Variants in ADAMTS17 observed in about 807,000 individuals in gnomAD.
ADAMTS17 encodes ADAM metallopeptidase with thrombospondin type 1 motif 17.
In ADAMTS17, 113 loss-of-function variants were observed where a neutral mutation model predicts 141.5. The ratio of observed to expected loss-of-function variants is 0.80; its 90% CI spans 0.69 to 0.93. ADAMTS17 has a LOEUF of 0.93. Among genes scored for constraint, ADAMTS17 ranks in the 40% least tolerant of loss-of-function variants. The pLI, the probability that ADAMTS17 is intolerant of heterozygous loss-of-function variation, is 0.00. For missense variants in ADAMTS17, 1,659 were observed against 1,517.9 expected (o/e 1.09, Z -1.54); for synonymous variants, 768 against 630.6 (o/e 1.22, Z -3.27).
intron 18 of ADAMTS17, among the ~76,000 whole-genome samples, chr15:100,026,797 C>T (rs935040507): frequency 1.8e-4 from 27 of 152,314 alleles, no homozygotes; most frequent in Middle Eastern, 6.8e-3. Context: ...TGGGGAATGT[C>T]TGCATAGCTC....
chr15:100,204,702 A>G (rs766174173), intron 7 of ADAMTS17, among the ~76,000 whole-genome samples: 1 of 152,264 alleles, frequency 6.6e-6, no homozygotes, highest in Non-Finnish European at 1.5e-5. Context: ...TAAGATGGAA[A>G]TCTTCCTGAC....
chr15:100,021,588 T>C lies in ADAMTS17; in HGVS notation c.2592-23999A>G, dbSNP rs182412863. 2.9e-3 allele frequency among the ~76,000 whole-genome samples: 447 copies of C among 152,314 alleles called. 3 individuals carry two copies. The highest frequency in any genetic ancestry group is 0.01 in the African/African-American group (421 of 41,568). Reference sequence around the variant, plus strand: ...CTAGTACCTAATGCCTTCCATATCCTGAGCCCAGCATTCCGGTCCCAGCCA... The same window carrying C: ...CTAGTACCTAATGCCTTCCATATCCCGAGCCCAGCATTCCGGTCCCAGCCA... On this transcript the variant is annotated intron_variant, in intron 18 of 21. Coordinates refer to ENST00000268070, the MANE Select transcript of ADAMTS17 (RefSeq NM_139057.4).
intron 3 of ADAMTS17, among the ~76,000 whole-genome samples, chr15:100,293,961 A>T (rs1260860515): frequency 6.6e-6 from 1 of 152,220 alleles, no homozygotes; most frequent in Non-Finnish European, 1.5e-5. Flanking sequence ...TAAGGTGCCC[A>T]ACTTTGACAT....
chr15:100,058,328 C>CCT (rs2032811868), intron 15 of ADAMTS17, among the ~76,000 whole-genome samples: 5 of 93,860 alleles, frequency 5.3e-5, no homozygotes, highest in African/African-American at 1.5e-4. Flanking sequence ...GCTCTAACAC[C>CCT]CCTATCCCGG....
chr15:99,977,376 AT>A (rs2060369193), intron 20 of ADAMTS17, among the ~76,000 whole-genome samples: 9 of 16,650 alleles, frequency 5.4e-4, no homozygotes, highest in Admixed American at 1.1e-3. Context: ...ATATATATAT[AT>A]ATATATATAT....
At position 99,974,364 on chromosome 15, in the gene ADAMTS17, C is replaced by G. The variant is rs749781134; in HGVS notation, c.*38G>C. The G allele has an allele frequency of 6.2e-7, 1 of 1,613,534 alleles. No homozygotes were observed. Among genetic ancestry groups the G allele is most frequent in the South Asian group, 1.1e-5 (1 of 91,062 alleles). On this transcript the variant is annotated 3_prime_UTR_variant, in exon 22 of 22. Coordinates refer to ENST00000268070, the MANE Select transcript of ADAMTS17 (RefSeq NM_139057.4). ...GGCTTGCGGGTGGGTGGGTTTCAGA[C>G]CTGAGTCTGAGCTTTGAGCGACCCT...
chr15:100,014,517 A>G (rs2061250598), intron 18 of ADAMTS17, among the ~76,000 whole-genome samples: 1 of 152,134 alleles, frequency 6.6e-6, no homozygotes, highest in South Asian at 2.1e-4. Context: ...CTTTCCTCTT[A>G]TCACTGCCTT....
At chr15:100,170,376 A>T (rs1236834349) in intron 8 of ADAMTS17, among the ~76,000 whole-genome samples, 1 of 152,164 alleles carries the variant, frequency 6.6e-6, no homozygotes, top group Non-Finnish European at 1.5e-5. Context: ...GTCCAGAGAG[A>T]AGCAACCTGC....
chr15:100,315,787 A>G (rs547747656), intron 3 of ADAMTS17, among the ~76,000 whole-genome samples: 1 of 152,354 alleles, frequency 6.6e-6, no homozygotes, highest in East Asian at 1.9e-4. Flanking sequence ...AATTTAACTC[A>G]TACTTACATG....
At chr15:100,323,461 T>C (rs1472994459) in intron 3 of ADAMTS17, among the ~76,000 whole-genome samples, 1 of 152,156 alleles carries the variant, frequency 6.6e-6, no homozygotes, top group East Asian at 1.9e-4. Context: ...AAATATTACA[T>C]ATGAAAATTT....
intron 7 of ADAMTS17, among the ~76,000 whole-genome samples, chr15:100,211,099 C>CAAATATATAAAT (rs2041789055): frequency 7.6e-6 from 1 of 131,868 alleles, no homozygotes; most frequent in Non-Finnish European, 1.6e-5. Context: ...GACTCAGTCT[C>CAAATATATAAAT]AAATAAATAA....
intron 10 of ADAMTS17, among the ~76,000 whole-genome samples, chr15:100,139,511 G>C (rs538205425): frequency 6.6e-6 from 1 of 152,176 alleles, no homozygotes; most frequent in African/African-American, 2.4e-5. Flanking sequence ...CTGCAACAAA[G>C]AATTATTCAG....
intron 3 of ADAMTS17, among the ~76,000 whole-genome samples, chr15:100,324,525 T>C (rs1367845737): frequency 6.6e-6 from 1 of 152,232 alleles, no homozygotes; most frequent in Non-Finnish European, 1.5e-5. Flanking sequence ...AGGACCATAC[T>C]ATGTCATGTT....
rs564917457 is a variant in ADAMTS17, at chr15:100,206,089, G to T, written c.1076-6666C>A. On this transcript the variant is annotated intron_variant, in intron 7 of 21. Coordinates refer to ENST00000268070, the MANE Select transcript of ADAMTS17 (RefSeq NM_139057.4). ...CTCGGCAAACTTTCCCAGACCATGG[G>T]TGGCTCCCTGTGTGGGGAGCAACGG... Among the ~76,000 whole-genome samples, 3 of 152,316 alleles carry T rather than the reference G, an allele frequency of 2.0e-5. No individual in the cohort carries two copies. In the South Asian group the frequency reaches 6.2e-4, roughly 32 times the overall value.
chr15:100,133,270 ATG>A lies in ADAMTS17; in HGVS notation c.1517_1518del (p.Thr506IlefsTer65), dbSNP rs781125103. 1.3e-6 allele frequency: 2 copies of A among 1,599,462 alleles called. No individual in the cohort carries two copies. The highest frequency in any genetic ancestry group is 1.1e-5 in the South Asian group (1 of 88,266). The stretch of plus-strand genomic sequence containing the variant: ...GGAGGGTCCAGCTTGGTCTTGCAGG[ATG>A]TGTCTCCTTCTACCAGGCACCACAG... ...AGLWCLVEGD[T>X]SCKTKLDPPL... On this transcript the variant is annotated frameshift_variant, in exon 11 of 22. Coordinates refer to ENST00000268070, the MANE Select transcript of ADAMTS17 (RefSeq NM_139057.4). LOFTEE classifies it high-confidence loss of function.
intron 13 of ADAMTS17, 107 bp downstream of exon 13, chr15:100,116,740 G>T: frequency 6.7e-7 from 1 of 1,497,952 alleles, no homozygotes. Flanking sequence ...GGAGTGTCTT[G>T]CTGGGTTGGT....
chr15:100,303,107 T>C (rs929503474), intron 3 of ADAMTS17, among the ~76,000 whole-genome samples: 59 of 146,642 alleles, frequency 4.0e-4, no homozygotes, highest in African/African-American at 1.3e-3. Flanking sequence ...ATATATAAAA[T>C]ATATAATATA....
chr15:100,030,003 G>A (rs1321948239), intron 18 of ADAMTS17, among the ~76,000 whole-genome samples: 1 of 152,204 alleles, frequency 6.6e-6, no homozygotes, highest in Non-Finnish European at 1.5e-5. Flanking sequence ...GCACAGTAGA[G>A]CCACTAGACA....
chr15:100,007,787 C>T (rs539798288), intron 18 of ADAMTS17, among the ~76,000 whole-genome samples: 1 of 152,086 alleles, frequency 6.6e-6, no homozygotes, highest in East Asian at 1.9e-4. Context: ...CAGTCTGCAG[C>T]TTGGGGTGCG....
Sources: allele counts gnomAD v4.1 joint callset (sites outside exome capture counted in the v4.1 genomes callset), GRCh38; gene constraint gnomAD v4.1.1; transcripts MANE v1.5; gene names NCBI Gene and HGNC (gene_info 2026-07-23, HGNC 2026-07-21).